The following ADAMTS2 variants were observed in gnomAD, a reference collection of about 807,000 sequenced individuals.
ADAMTS2 encodes the protein A disintegrin and metalloproteinase with thrombospondin motifs 2.
Under a neutral mutation model 123.0 loss-of-function variants are expected in ADAMTS2, and 50 were observed. That is an observed-to-expected ratio of 0.41 (90% confidence interval 0.32 to 0.51). The LOEUF is 0.51. ADAMTS2 is among the 20% of genes least tolerant of loss of function. The pLI, the probability that ADAMTS2 is intolerant of heterozygous loss-of-function variation, is 0.35. For missense variants in ADAMTS2, 1,494 were observed against 1,705.2 expected, an observed-to-expected ratio of 0.88 and a Z score of 2.18; for synonymous variants, 678 against 695.4, an observed-to-expected ratio of 0.98 and a Z score of 0.39.
At position 179,117,954 on chromosome 5, in the gene ADAMTS2, T is replaced by C. The variant is rs1486734020; in HGVS notation, c.3179-3630A>G. Among the ~76,000 whole-genome samples the C allele has an allele frequency of 1.3e-5, 2 of 151,978 alleles. No individual in the cohort carries two copies. The highest frequency in any genetic ancestry group is 2.9e-5 in the Non-Finnish European group (2 of 68,006). The stretch of plus-strand genomic sequence containing the variant: ...ACTACCTGGCCCTTTACAGAAAAGG[T>C]TGACTGATCGTGGGTCAAGTGCACG... On this transcript the variant is annotated intron_variant, in intron 21 of 21. Transcript: ENST00000251582. The surrounding 1 kb of genome is among the most constrained non-coding windows in gnomAD (Gnocchi z 4.2).
chr5:179,149,333 T>G (rs553476779), intron 10 of ADAMTS2, among the ~76,000 whole-genome samples: 1 of 152,328 alleles, frequency 6.6e-6, no homozygotes, highest in East Asian at 1.9e-4. Context: ...CCAACCTTGC[T>G]GGCACCCTGA....
At chr5:179,340,017 C>A (rs1757725482) in intron 2 of ADAMTS2, among the ~76,000 whole-genome samples, 2 of 152,262 alleles carry the variant, frequency 1.3e-5, no homozygotes, top group Non-Finnish European at 2.9e-5. Context: ...CAGGGGAGCC[C>A]CAGCCTGAAA....
In ADAMTS2 at chr5:179,132,448, G is replaced by A; in HGVS notation, c.2210-138C>T. The A allele has an allele frequency of 1.1e-6, 1 of 936,324 alleles. No individual in the cohort carries two copies. Among genetic ancestry groups the A allele is most frequent in the Non-Finnish European group, 1.7e-6 (1 of 600,310 alleles). The allele number at this position is 936,324 out of a possible 1,614,324, so 58.0% of individuals were successfully genotyped here. ...AGGACCCTGGTATTTCTCTGGCTTTGAGGACCCACCTGAGAGGGGCCACCA... is the reference window on the plus strand; with the variant it reads ...AGGACCCTGGTATTTCTCTGGCTTTAAGGACCCACCTGAGAGGGGCCACCA... On this transcript the variant is annotated intron_variant, in intron 14 of 21. Coordinates refer to ENST00000251582, the MANE Select transcript of ADAMTS2 (RefSeq NM_014244.5). The surrounding 1 kb of genome is among the most constrained non-coding windows in gnomAD (Gnocchi z 6.1).
rs1407363425 is a variant in ADAMTS2 at position 179,345,321 on chromosome 5, G to A, written c.8C>T (p.Pro3Leu). Residue 3 changes from proline (P) to leucine (L), a missense_variant, in exon 1 of 22, where the codon CCG becomes CTG. Pro to Leu is a moderately conservative substitution (Grantham distance 98). This residue lies in a region of ADAMTS2 where 237 missense variants were observed against 233.7 expected (regional missense o/e 1.01). Transcript: ENST00000251582. The surrounding 1 kb of genome is among the most constrained non-coding windows in gnomAD (Gnocchi z 7.5). The part of the protein sequence containing the change: MD[P>L]PAGAARRLLC... ...CAGGCGGCGAGCGGCTCCCGCCGGC[G>A]GATCCATGGCAGCCGGACTGCAGCC... 1.6e-5 allele frequency: 18 copies of A among 1,135,022 alleles called. No individual in the cohort carries two copies. In the East Asian group the frequency reaches 4.9e-4, roughly 31 times the overall value. 70.3% of individuals were successfully genotyped at this position (1,135,022 alleles called of 1,614,324 possible).
At chr5:179,140,461 G>A (rs1763145204) in intron 10 of ADAMTS2, among the ~76,000 whole-genome samples, 1 of 152,076 alleles carries the variant, frequency 6.6e-6, no homozygotes, top group Non-Finnish European at 1.5e-5. Flanking sequence ...GAAATACTAT[G>A]GAAAAAAGGG....
At chr5:179,167,199 G>C in intron 5 of ADAMTS2, among the ~76,000 whole-genome samples, 1 of 152,142 alleles carries the variant, frequency 6.6e-6, no homozygotes, top group East Asian at 2.0e-4. Flanking sequence ...GGACTCGCCT[G>C]AGTCCCACAG....
At chr5:179,251,108 C>T (rs143192909) in intron 3 of ADAMTS2, among the ~76,000 whole-genome samples, 2 of 152,206 alleles carry the variant, frequency 1.3e-5, no homozygotes, top group African/African-American at 4.8e-5. Context: ...CTGCATCAGG[C>T]GGGCCTGGGT....
rs376454904 is a variant in ADAMTS2, at chr5:179,122,709, C to G, written c.3023G>C (p.Ser1008Thr). The G allele has an allele frequency of 6.4e-6, 10 of 1,551,954 alleles. No individual in the cohort carries two copies. In the African/African-American group the frequency reaches 1.2e-4, roughly 19 times the overall value. The change falls in exon 20 of 22, where the codon AGC becomes ACC. Residue 1008 changes from serine (S) to threonine (T), a missense_variant. By Grantham distance (58) the Ser-to-Thr change is moderately conservative (BLOSUM62 1). This residue lies in a region of ADAMTS2 where 953 missense variants were observed against 1,124.7 expected (regional missense o/e 0.85). Transcript: ENST00000251582. The part of the protein sequence containing the change: ...RPVLCRTADD[S>T]FGICQEERPE... ...ACGCTCCTCCTGGCAGATGCCGAAG[C>G]TGTCGTCCGCGGTGCGGCAGAGCAC...
chr5:179,201,678 T>G (rs944252777), intron 4 of ADAMTS2, among the ~76,000 whole-genome samples: 1 of 148,644 alleles, frequency 6.7e-6, no homozygotes, highest in Non-Finnish European at 1.5e-5. Context: ...GGTGCATGCC[T>G]GTAATCCCAG....
Position 179,317,494 on chromosome 5 carries a change from G to T in ADAMTS2, c.534+26273C>A, listed in dbSNP as rs2113586244. On this transcript the variant is annotated intron_variant, in intron 2 of 21. Transcript: ENST00000251582. This position sits in a 1 kb window ranked among gnomAD's most constrained non-coding sequence, Gnocchi z 4.9. ...GCAGGTGGGCGGAGGGTGCACTCAT[G>T]AGACTTCTATAAGCACGGACCCAGA... Among the ~76,000 whole-genome samples, 1 of 152,262 alleles carries T rather than the reference G, an allele frequency of 6.6e-6. No individual in the cohort carries two copies. Among genetic ancestry groups the T allele is most frequent in the East Asian group, 1.9e-4 (1 of 5,176 alleles).
At chr5:179,230,965 C>T (rs935983261) in intron 3 of ADAMTS2, among the ~76,000 whole-genome samples, 5 of 150,846 alleles carry the variant, frequency 3.3e-5, no homozygotes, top group African/African-American at 9.7e-5. Flanking sequence ...GAGCCGAGAT[C>T]GTGCCACTGC....
chr5:179,125,198 G>C lies in ADAMTS2; in HGVS notation c.2751-18C>G. ...TGACCCACCTGCCAGGGCAGAGCGG[G>C]GCACAGTCAGGCTTCCGCAGCACCT... On this transcript the variant is annotated intron_variant, in intron 18 of 21. Coordinates refer to ENST00000251582, the MANE Select transcript of ADAMTS2 (RefSeq NM_014244.5). The C allele has an allele frequency of 1.2e-6, 2 of 1,609,890 alleles. No individual in the cohort carries two copies. The highest frequency in any genetic ancestry group is 8.5e-7 in the Non-Finnish European group (1 of 1,178,760).
At chr5:179,209,743 A>AG (rs1233229573) in intron 3 of ADAMTS2, among the ~76,000 whole-genome samples, 3 of 152,216 alleles carry the variant, frequency 2.0e-5, no homozygotes, top group Non-Finnish European at 4.4e-5. Context: ...CCGTTCCCAG[A>AG]GGAAGCGCCA....
chr5:179,169,327 G>A (rs1763770332), intron 5 of ADAMTS2, among the ~76,000 whole-genome samples: 1 of 152,168 alleles, frequency 6.6e-6, no homozygotes, highest in Admixed American at 6.5e-5. Flanking sequence ...CCTGCTCTTG[G>A]ACTTCCCAGC....
chr5:179,122,529 T>A, intron 20 of ADAMTS2, 115 bp downstream of exon 20: 1 of 1,420,414 alleles, frequency 7.0e-7, no homozygotes, highest in Non-Finnish European at 9.5e-7. Flanking sequence ...TGCTCACAGA[T>A]GTTGAGTCCA....
chr5:179,137,771 T>A lies in ADAMTS2; in HGVS notation c.1949A>T (p.Asp650Val). ...QHHWLPHEHR[D>V]AKERCHLYCE... Reference sequence around the variant, plus strand: ...TGATGCCTCCCAGAAGGGCTCACCATCCCGGTGCTCGTGGGGCAGCCAGTG... The same window carrying A: ...TGATGCCTCCCAGAAGGGCTCACCAACCCGGTGCTCGTGGGGCAGCCAGTG... The change falls in exon 12 of 22, where the codon GAT becomes GTT. Residue 650 changes from aspartate to valine, a missense_variant and splice_region_variant. Asp to Val is a radical substitution (Grantham distance 152). Transcript: ENST00000251582. 1.5e-6 allele frequency: 2 copies of A among 1,320,406 alleles called. No homozygotes were observed. The highest frequency in any genetic ancestry group is 2.0e-6 in the Non-Finnish European group (2 of 1,002,548). The allele number at this position is 1,320,406 out of a possible 1,614,324, so 81.8% of individuals were successfully genotyped here.
Position 179,132,746 on chromosome 5 carries a change from G to T in ADAMTS2, c.2209+31C>A. The T allele has an allele frequency of 6.2e-7, 1 of 1,613,918 alleles. No homozygotes were observed. Among genetic ancestry groups the T allele is most frequent in the Non-Finnish European group, 8.5e-7 (1 of 1,179,932 alleles). Reference sequence around the variant, plus strand: ...GCATGAGCCTGCTGCAGGCATCCAGGCTCCAGGGTGGAGAGCAGGGACCCA... The same window carrying T: ...GCATGAGCCTGCTGCAGGCATCCAGTCTCCAGGGTGGAGAGCAGGGACCCA... On this transcript the variant is annotated intron_variant, in intron 14 of 21. Transcript: ENST00000251582. The surrounding 1 kb of genome is among the most constrained non-coding windows in gnomAD (Gnocchi z 6.1).
At chr5:179,150,456 A>G (rs1763333786) in intron 10 of ADAMTS2, among the ~76,000 whole-genome samples, 1 of 152,258 alleles carries the variant, frequency 6.6e-6, no homozygotes, top group Admixed American at 6.5e-5. Context: ...GTCTTCGAAC[A>G]AAACCTTATA....
intron 2 of ADAMTS2, among the ~76,000 whole-genome samples, chr5:179,275,466 G>A (rs893434300): frequency 6.6e-6 from 1 of 152,184 alleles, no homozygotes; most frequent in Non-Finnish European, 1.5e-5. Flanking sequence ...TAGTGGACAT[G>A]GTGGAAAGAG....
Sources: gnomAD v4.1 joint callset for allele counts (sites outside exome capture counted in the v4.1 genomes callset) on GRCh38, gnomAD v4.1.1 for gene constraint, gnomAD v4.1.1 regional missense constraint, Gnocchi (gnomAD v3.1) non-coding constraint, MANE v1.5 for transcripts, NCBI Gene and HGNC (gene_info 2026-07-23, HGNC 2026-07-21) for gene names.